KALRN: variants seen among roughly 807,000 people sequenced by gnomAD.
KALRN encodes the protein kalirin.
In KALRN, 70 loss-of-function variants were observed where a neutral mutation model predicts 353.7. The observed-to-expected ratio is 0.20, with a 90% confidence interval of 0.16 to 0.24. The LOEUF is 0.24. Ranked by LOEUF, KALRN falls within the 10% of genes least tolerant of loss-of-function variation. KALRN has a pLI of 1.00. For synonymous variants in KALRN, 1,391 were observed against 1,434.8 expected (o/e 0.97, Z 0.69); for missense variants, 2,791 against 3,756.7 (o/e 0.74, Z 6.72).
intron 3 of KALRN, among the ~76,000 whole-genome samples, chr3:124,236,749 G>T (rs1039102041): frequency 7.2e-5 from 11 of 152,168 alleles, no homozygotes; most frequent in Admixed American, 2.6e-4. Context: ...GGGTGAAGGG[G>T]AACAAAACCC....
In KALRN at chr3:124,161,138, A is replaced by C. The variant is rs144476408; in HGVS notation, c.74-66852A>C. The stretch of plus-strand genomic sequence containing the variant: ...GATTAAATGGTCAATAATATATGCT[A>C]TCTATTTTACCATGATAGAAAAGTC... On this transcript the variant is annotated intron_variant, in intron 1 of 59. Coordinates refer to ENST00000682506, the MANE Select transcript of KALRN (RefSeq NM_001388419.1). Among the ~76,000 whole-genome samples the C allele has an allele frequency of 2.0e-3, 304 of 152,336 alleles. 2 individuals are homozygous for C. Among genetic ancestry groups the C allele is most frequent in the East Asian group, 7.5e-3 (39 of 5,192 alleles).
Position 124,422,914 on chromosome 3 carries a change from A to G in KALRN, c.2645A>G (p.Glu882Gly), listed in dbSNP as rs1429019381. 6.2e-7 allele frequency: 1 copy of G among 1,613,910 alleles called. No individual in the cohort carries two copies. The highest frequency in any genetic ancestry group is 2.2e-5 in the East Asian group (1 of 44,882). ...EKQHELELNA[E>G]QTHKRLEQCL... ...CAGCATGAATTGGAGCTCAATGCAG[A>G]GCAGACTCATAAGCGGCTAGAGCAG... is the stretch of plus-strand genomic sequence containing the variant. Residue 882 changes from glutamate (E) to glycine (G), a missense_variant, in exon 15 of 60, where the codon GAG (glutamate) becomes GGG (glycine). By Grantham distance (98) the Glu-to-Gly change is moderately conservative. Transcript: ENST00000682506.
chr3:124,258,650 A>AT (rs1303820465), intron 3 of KALRN, among the ~76,000 whole-genome samples: 1 of 152,202 alleles, frequency 6.6e-6, no homozygotes, highest in African/African-American at 2.4e-5. Context: ...CATTCAGCAA[A>AT]TGTTCTTGAA....
intron 5 of KALRN, among the ~76,000 whole-genome samples, chr3:124,297,152 A>G (rs13076923): frequency 0.27 from 40,605 of 152,158 alleles, 6,399 homozygotes; most frequent in East Asian, 0.67. Context: ...CATAGCAGGT[A>G]TCCCATAAAT....
chr3:124,542,758 C>T (rs1022433227), intron 33 of KALRN, among the ~76,000 whole-genome samples: 3 of 152,186 alleles, frequency 2.0e-5, no homozygotes, highest in Non-Finnish European at 2.9e-5. Context: ...AATTGACTTC[C>T]TCAATGTCAC....
chr3:124,146,147 TTG>T (rs1260355183), intron 1 of KALRN, among the ~76,000 whole-genome samples: 2 of 152,170 alleles, frequency 1.3e-5, no homozygotes, highest in African/African-American at 4.8e-5. Context: ...AAGCCCTCAG[TTG>T]TGTTTCACTG....
intron 14 of KALRN, among the ~76,000 whole-genome samples, chr3:124,415,605 C>A (rs523469): frequency 0.98 from 149,253 of 152,342 alleles, 73,191 homozygotes; most frequent in East Asian, 1. Flanking sequence ...AATGTTGCTT[C>A]AATAGTCTAA....
chr3:124,632,625 C>CGATGGT lies in KALRN; in HGVS notation c.5389_5394dup (p.Asp1797_Gly1798dup). ...ACATCAAAAAGCAGAAGAAAGTTCG[C>CGATGGT]GATGGTCGGAAGAGCTTTGACCTGG... On this transcript the variant is annotated inframe_insertion, in exon 35 of 60. Coordinates refer to ENST00000682506, the MANE Select transcript of KALRN (RefSeq NM_001388419.1). 2 of 1,614,090 alleles carry CGATGGT rather than the reference C, an allele frequency of 1.2e-6. No individual in the cohort carries two copies. Among genetic ancestry groups the CGATGGT allele is most frequent in the Non-Finnish European group, 1.7e-6 (2 of 1,180,010 alleles).
chr3:124,232,844 A>G (rs2079321894), intron 2 of KALRN, among the ~76,000 whole-genome samples: 1 of 152,108 alleles, frequency 6.6e-6, no homozygotes, highest in African/African-American at 2.4e-5. Context: ...CACTATGCTT[A>G]GGAAGTGGAA....
At chr3:124,238,126 C>T (rs549730911) in intron 3 of KALRN, among the ~76,000 whole-genome samples, 15 of 152,256 alleles carry the variant, frequency 9.9e-5, no homozygotes, top group African/African-American at 3.4e-4. Context: ...TTAAGAACTA[C>T]ATAGATCAGT....
In KALRN at chr3:124,298,891, A is replaced by G. The variant is rs2077050855; in HGVS notation, c.1070A>G (p.Asn357Ser). The G allele has an allele frequency of 2.5e-6, 4 of 1,614,120 alleles. No individual in the cohort carries two copies. Among genetic ancestry groups the G allele is most frequent in the Admixed American group, 1.7e-5 (1 of 60,024 alleles). ...GCCCTTGACCTCCAGACGCAGCACA[A>G]TCACTTTGCCATGAACTCCATGGTG... ...QYALDLQTQH[N>S]HFAMNSMNAY... is the part of the protein sequence containing the mutation. The change falls in exon 6 of 60, where the codon AAT becomes AGT. Residue 357 changes from asparagine (N) to serine (S), a missense_variant. Coordinates refer to ENST00000682506, the MANE Select transcript of KALRN (RefSeq NM_001388419.1).
intron 26 of KALRN, among the ~76,000 whole-genome samples, chr3:124,474,934 T>C (rs2061300469): frequency 6.6e-6 from 1 of 152,218 alleles, no homozygotes; most frequent in African/African-American, 2.4e-5. Context: ...AAGAACTTTC[T>C]AAAATTGTGA....
chr3:124,420,369 A>G (rs925929860), intron 14 of KALRN, among the ~76,000 whole-genome samples: 3 of 152,254 alleles, frequency 2.0e-5, no homozygotes, highest in Admixed American at 2.0e-4. Context: ...AATGAATATG[A>G]GCTACAACAA....
At chr3:124,252,841 C>T (rs1580077991) in intron 3 of KALRN, among the ~76,000 whole-genome samples, 1 of 152,184 alleles carries the variant, frequency 6.6e-6, no homozygotes, top group African/African-American at 2.4e-5. Flanking sequence ...CCACCTCTCT[C>T]CTGCCTTCTG....
At chr3:124,539,152 A>G (rs1245386267) in intron 33 of KALRN, among the ~76,000 whole-genome samples, 2 of 152,206 alleles carry the variant, frequency 1.3e-5, no homozygotes, top group African/African-American at 4.8e-5. Context: ...AGCCAAGGGA[A>G]GCAGTCAGAT....
chr3:124,342,287 C>A (rs772660600), intron 9 of KALRN, among the ~76,000 whole-genome samples: 5 of 152,080 alleles, frequency 3.3e-5, no homozygotes, highest in Non-Finnish European at 7.4e-5. Context: ...ATATTGTACT[C>A]ATTAAGTAAT....
chr3:124,083,669 C>A (rs1431516402), intron 1 of KALRN, among the ~76,000 whole-genome samples: 1 of 152,252 alleles, frequency 6.6e-6, no homozygotes, highest in Non-Finnish European at 1.5e-5. Context: ...CGATCTTACA[C>A]AACTGTTAGA....
At chr3:124,650,482 CT>C (rs1439015078) in intron 37 of KALRN, among the ~76,000 whole-genome samples, 3 of 152,202 alleles carry the variant, frequency 2.0e-5, no homozygotes, top group African/African-American at 4.8e-5. Context: ...TCTTTTGTAA[CT>C]GCATATTTGG....
In KALRN at chr3:124,634,089, G is replaced by T. The variant is rs768251726; in HGVS notation, c.5568+136G>T. On this transcript the variant is annotated intron_variant, in intron 36 of 59. Transcript: ENST00000682506. ...ACATGAATCCATGTTGATACCAATT[G>T]TGTCTCTATTTGGTAGGTGTCCCTT... The T allele has an allele frequency of 3.9e-5, 26 of 675,092 alleles. No individual in the cohort carries two copies. In the Middle Eastern group the frequency reaches 1.3e-3, roughly 33 times the overall value. 41.8% of individuals were successfully genotyped at this position (675,092 alleles called of 1,614,324 possible). A position where few individuals can be genotyped will look rare whatever the true frequency, so the allele number is the denominator to read the frequency against.
Sources: allele counts gnomAD v4.1 joint callset (sites outside exome capture counted in the v4.1 genomes callset), GRCh38; gene constraint gnomAD v4.1.1; transcripts MANE v1.5; gene names NCBI Gene and HGNC (gene_info 2026-07-23, HGNC 2026-07-21).